Variants in PRELID2 observed in about 807,000 individuals in gnomAD.
PRELID2 encodes the protein PRELI domain-containing protein 2.
Under a neutral mutation model 28.4 loss-of-function variants are expected in PRELID2, and 25 were observed. That is an observed-to-expected ratio of 0.88 (90% CI 0.64 to 1.23). PRELID2 has a LOEUF of 1.23. PRELID2 is among the 50% of genes most tolerant of loss of function. The pLI, the probability that PRELID2 is intolerant of heterozygous loss-of-function variation, is 0.00. For synonymous variants in PRELID2, 76 were observed against 71.6 expected, an observed-to-expected ratio of 1.06 and a Z score of -0.31; for missense variants, 201 against 214.4, an observed-to-expected ratio of 0.94 and a Z score of 0.39.
At chr5:145,784,080 G>A (rs370725854) in intron 5 of PRELID2, among the ~76,000 whole-genome samples, 21 of 152,178 alleles carry the variant, frequency 1.4e-4, no homozygotes, top group Middle Eastern at 3.4e-3. Context: ...CCACAGGTCC[G>A]ATACCAGCCT....
At chr5:145,412,825 T>C in the PRELID2 span, among the ~76,000 whole-genome samples, 1 of 152,144 alleles carries the variant, frequency 6.6e-6, no homozygotes, top group Non-Finnish European at 1.5e-5. Flanking sequence ...TGGGGAGGCC[T>C]CAGGAAACTT....
At chr5:145,321,317 T>G in the PRELID2 span, among the ~76,000 whole-genome samples, 1 of 152,190 alleles carries the variant, frequency 6.6e-6, no homozygotes, top group South Asian at 2.1e-4. Flanking sequence ...GCAACATAAA[T>G]TCCATTTCTA....
intron 5 of PRELID2, among the ~76,000 whole-genome samples, chr5:145,782,101 AG>A (rs1410306489): frequency 6.6e-6 from 1 of 152,192 alleles, no homozygotes; most frequent in Non-Finnish European, 1.5e-5. Context: ...TAAGAAAGCA[AG>A]TCTCATATTA....
At chr5:145,678,609 G>T (rs1426520906) in intron 1 of PRELID2, among the ~76,000 whole-genome samples, 1 of 152,080 alleles carries the variant, frequency 6.6e-6, no homozygotes, top group Non-Finnish European at 1.5e-5. Flanking sequence ...TGAGCCAGAG[G>T]TTTTTCAACT....
intron 1 of PRELID2, among the ~76,000 whole-genome samples, chr5:145,693,669 G>A (rs1220685679): frequency 5.9e-5 from 9 of 152,162 alleles, no homozygotes; most frequent in Non-Finnish European, 8.8e-5. Flanking sequence ...AGCTACTCAG[G>A]AGGCTGAGGT....
At chr5:145,374,604 C>A in the PRELID2 span, among the ~76,000 whole-genome samples, 1 of 152,090 alleles carries the variant, frequency 6.6e-6, no homozygotes, top group African/African-American at 2.4e-5. Flanking sequence ...CTCTCCATCT[C>A]CTTCAGGTAC....
At chr5:145,737,567 A>G (rs1756531767) in intron 1 of PRELID2, among the ~76,000 whole-genome samples, 1 of 152,208 alleles carries the variant, frequency 6.6e-6, no homozygotes, top group African/African-American at 2.4e-5. Flanking sequence ...GTACTAGAGA[A>G]GCTGGCAGCC....
At chr5:145,533,744 A>G (rs1482921933) in intron 1 of PRELID2, among the ~76,000 whole-genome samples, 1 of 152,082 alleles carries the variant, frequency 6.6e-6, no homozygotes, top group Non-Finnish European at 1.5e-5. Flanking sequence ...TATCAATAAC[A>G]TAGTGACAGA....
chr5:145,702,195 T>A (rs1178292352), intron 1 of PRELID2, among the ~76,000 whole-genome samples: 2 of 152,124 alleles, frequency 1.3e-5, no homozygotes, highest in Non-Finnish European at 2.9e-5. Flanking sequence ...AAAAAGGATA[T>A]TTTCATAAGT....
At chr5:145,336,735 G>C in the PRELID2 span, among the ~76,000 whole-genome samples, 2 of 151,892 alleles carry the variant, frequency 1.3e-5, no homozygotes, top group Admixed American at 1.3e-4. Context: ...ATGATAGACT[G>C]GATTAAGGAA....
intron 1 of PRELID2, among the ~76,000 whole-genome samples, chr5:145,638,662 T>C (rs146336351): frequency 1.3e-3 from 204 of 152,324 alleles, no homozygotes; most frequent in African/African-American, 4.7e-3. Context: ...TTTAAGCAGA[T>C]CTGTCTGGAG....
the PRELID2 span, among the ~76,000 whole-genome samples, chr5:145,269,395 A>G: frequency 6.6e-6 from 1 of 152,066 alleles, no homozygotes; most frequent in African/African-American, 2.4e-5. Flanking sequence ...TAATTGTGAA[A>G]TAAAAGTCTT....
At chr5:145,784,452 A>G (rs941382359) in intron 5 of PRELID2, among the ~76,000 whole-genome samples, 6 of 152,182 alleles carry the variant, frequency 3.9e-5, no homozygotes, top group South Asian at 2.1e-4. Flanking sequence ...TAAGTCTTTC[A>G]TTCAAGTTAT....
intron 5 of PRELID2, among the ~76,000 whole-genome samples, chr5:145,771,081 C>T (rs544038412): frequency 6.6e-6 from 1 of 152,218 alleles, no homozygotes; most frequent in Admixed American, 6.5e-5. Flanking sequence ...CTTCCAGTCC[C>T]GCAAGTTTCA....
At chr5:145,326,959 G>A in the PRELID2 span, among the ~76,000 whole-genome samples, 2 of 149,986 alleles carry the variant, frequency 1.3e-5, no homozygotes, top group Non-Finnish European at 3.0e-5. Flanking sequence ...GAGTTGGGTC[G>A]TAATCCCAAA....
the PRELID2 span, chr5:145,429,795 A>T: frequency 6.6e-6 from 1 of 152,166 alleles, no homozygotes; most frequent in Non-Finnish European, 1.5e-5. Context: ...AATGTAGTGC[A>T]AGTCACAATG....
At chr5:145,278,862 A>G in the PRELID2 span, among the ~76,000 whole-genome samples, 1 of 152,162 alleles carries the variant, frequency 6.6e-6, no homozygotes, top group Non-Finnish European at 1.5e-5. Flanking sequence ...AAGCAAAGAA[A>G]GATATTTGAA....
intron 1 of PRELID2, among the ~76,000 whole-genome samples, chr5:145,556,270 G>A (rs1455779629): frequency 6.6e-6 from 1 of 151,592 alleles, no homozygotes; most frequent in Non-Finnish European, 1.5e-5. Context: ...AGAGCCTTAT[G>A]TGGAGCACCT....
intron 1 of PRELID2, among the ~76,000 whole-genome samples, chr5:145,740,456 C>T (rs1195167356): frequency 2.1e-5 from 3 of 140,132 alleles, no homozygotes; most frequent in African/African-American, 7.8e-5. Flanking sequence ...GGTACAACAC[C>T]TAGATAGAAC....
Sources: gnomAD v4.1 joint callset for allele counts (sites outside exome capture counted in the v4.1 genomes callset) on GRCh38, gnomAD v4.1.1 for gene constraint, MANE v1.5 for transcripts, NCBI Gene and HGNC (gene_info 2026-07-23, HGNC 2026-07-21) for gene names.